The following AIF1 variants were observed in gnomAD, a reference collection of about 807,000 sequenced individuals.
AIF1 encodes allograft inflammatory factor 1.
Under a neutral mutation model 20.6 loss-of-function variants are expected in AIF1, and 21 were observed. The observed-to-expected ratio is 1.02, with a 90% CI of 0.72 to 1.47. AIF1 has a LOEUF of 1.47. AIF1 is among the 40% of genes most tolerant of loss of function. The pLI, the probability that AIF1 is intolerant of heterozygous loss-of-function variation, is 0.00. For synonymous variants in AIF1, 52 were observed against 65.8 expected (o/e 0.79, Z 1.01); for missense variants, 161 against 170.5 (o/e 0.94, Z 0.31).
Position 31,616,197 on chromosome 6 carries a change from CAG to C in AIF1, c.196+55_196+56del, listed in dbSNP as rs748321556. On this transcript the variant is annotated intron_variant, in intron 4 of 5. Transcript: ENST00000376059. This position sits in a 1 kb window ranked among gnomAD's most constrained non-coding sequence, Gnocchi z 4.0. ...AGGGTGGTGTGCAGGCCTAAGAAGA[CAG>C]AGGTCTCTCCTACATGCTCCATTCC... 8.7e-6 allele frequency: 14 copies of C among 1,613,216 alleles called. No homozygotes were observed. The highest frequency in any genetic ancestry group is 1.2e-5 in the Non-Finnish European group (14 of 1,179,920).
chr6:31,615,447 G>A (rs28732150), intron 1 of AIF1, 74 bp from the exon 2 acceptor site: 95,288 of 1,613,410 alleles, frequency 0.059, 3,678 homozygotes, highest in East Asian at 0.15. Flanking sequence ...GCTGGCCTAG[G>A]GTAGCCCGGG....
At position 31,616,447 on chromosome 6, in the gene AIF1, G is replaced by T; in HGVS notation, c.300G>T (p.Thr100=). The T allele has an allele frequency of 6.2e-7, 1 of 1,612,986 alleles. No individual in the cohort carries two copies. Among genetic ancestry groups the T allele is most frequent in the East Asian group, 2.2e-5 (1 of 44,888 alleles). ...AGGTGTCCAGTGGCTCCGGGGAGACGTTCAGCTACCCTGACTTTCTCAGGA... is the reference window on the plus strand; with the variant it reads ...AGGTGTCCAGTGGCTCCGGGGAGACTTTCAGCTACCCTGACTTTCTCAGGA... ...IGEVSSGSGE[T]FSYPDFLRMM... is the part of the protein sequence containing the mutation. The change falls in exon 5 of 6, where the codon ACG becomes ACT. Residue 100 remains threonine, a synonymous_variant. Coordinates refer to ENST00000376059, the MANE Select transcript of AIF1 (RefSeq NM_001623.5). The surrounding 1 kb of genome is among the most constrained non-coding windows in gnomAD (Gnocchi z 4.0).
Position 31,616,134 on chromosome 6 carries a change from A to G in AIF1, c.185A>G (p.Asn62Ser). 1 of 1,606,206 alleles carries G rather than the reference A, an allele frequency of 6.2e-7. No individual in the cohort carries two copies. Among genetic ancestry groups the G allele is most frequent in the Non-Finnish European group, 8.5e-7 (1 of 1,175,882 alleles). Residue 62 changes from asparagine to serine, a missense_variant, in exon 4 of 6, where the codon AAT (asparagine) becomes AGT (serine). By Grantham distance (46) the Asn-to-Ser change is conservative. Transcript: ENST00000376059. This position sits in a 1 kb window ranked among gnomAD's most constrained non-coding sequence, Gnocchi z 4.0. ...EKYMEFDLNG[N>S]GDIDIMSLKR... ...TACATGGAGTTTGACCTTAATGGAAATGGCGATATTGGTGAGAAACGGGTG... is the reference window on the plus strand; with the variant it reads ...TACATGGAGTTTGACCTTAATGGAAGTGGCGATATTGGTGAGAAACGGGTG...
Position 31,615,694 on chromosome 6 carries a change from A to G in AIF1, c.112A>G (p.Ser38Gly), listed in dbSNP as rs192487581. 2.5e-6 allele frequency: 4 copies of G among 1,612,692 alleles called. No homozygotes were observed. The highest frequency in any genetic ancestry group is 1.1e-5 in the South Asian group (1 of 90,914). ...GCAATTCCTAGACGATCCCAAATAT[A>G]GCAGTGATGAGGATCTGCCCTCCAA... ...NKQFLDDPKYSSDEDLPSKLE... is the reference protein window; with the variant it reads ...NKQFLDDPKYGSDEDLPSKLE... Residue 38 changes from serine (S) to glycine (G), a missense_variant, in exon 3 of 6, where the codon AGC (serine) becomes GGC (glycine). Transcript: ENST00000376059.
rs1336036235 is a variant in AIF1, at chr6:31,615,247, G to T, written c.-83G>T. 6 of 1,609,654 alleles carry T rather than the reference G, an allele frequency of 3.7e-6. No homozygotes were observed. The South Asian group carries it at 6.7e-5, about 18-fold the overall frequency. On this transcript the variant is annotated 5_prime_UTR_variant, in exon 1 of 6. Coordinates refer to ENST00000376059, the MANE Select transcript of AIF1 (RefSeq NM_001623.5). Reference sequence around the variant, plus strand: ...AGTTTGGGAGGAAGGCTTCTGAGAAGACTGGTGGGAGAGAAGGAGAGCCTG... The same window carrying T: ...AGTTTGGGAGGAAGGCTTCTGAGAATACTGGTGGGAGAGAAGGAGAGCCTG...
intron 3 of AIF1, 127 bp downstream of exon 3, chr6:31,615,863 T>C: frequency 6.6e-7 from 1 of 1,504,042 alleles, no homozygotes; most frequent in Non-Finnish European, 8.9e-7. Context: ...GGAACCTGCC[T>C]TTATTGCCCT....
Position 31,616,148 on chromosome 6 carries a change from G to A in AIF1, c.196+3G>A. On this transcript the variant is annotated splice_donor_region_variant and intron_variant, in intron 4 of 5. Coordinates refer to ENST00000376059, the MANE Select transcript of AIF1 (RefSeq NM_001623.5). This position sits in a 1 kb window ranked among gnomAD's most constrained non-coding sequence, Gnocchi z 4.0. ...CCTTAATGGAAATGGCGATATTGGT[G>A]AGAAACGGGTGATTTGCGGGGGCAG... The A allele has an allele frequency of 6.2e-7, 1 of 1,609,688 alleles. No individual in the cohort carries two copies. Among genetic ancestry groups the A allele is most frequent in the South Asian group, 1.1e-5 (1 of 90,556 alleles).
Position 31,616,228 on chromosome 6 carries a change from T to C in AIF1, c.196+83T>C. The C allele has an allele frequency of 6.2e-7, 1 of 1,613,112 alleles. No homozygotes were observed. Among genetic ancestry groups the C allele is most frequent in the African/African-American group, 1.3e-5 (1 of 75,002 alleles). ...TCTCTCCTACATGCTCCATTCCTCATGATTTGGGAGGGGGCCCACCTACCA... is the reference window on the plus strand; with the variant it reads ...TCTCTCCTACATGCTCCATTCCTCACGATTTGGGAGGGGGCCCACCTACCA... On this transcript the variant is annotated intron_variant, in intron 4 of 5. Coordinates refer to ENST00000376059, the MANE Select transcript of AIF1 (RefSeq NM_001623.5). The surrounding 1 kb of genome is among the most constrained non-coding windows in gnomAD (Gnocchi z 4.0).
At chr6:31,615,402 GGACA>G (rs1477156800) in intron 1 of AIF1, 48 bp downstream of exon 1, 1 of 1,613,342 alleles carries the variant, frequency 6.2e-7, no homozygotes, top group African/African-American at 1.3e-5. Flanking sequence ...GGAATGAGAT[GGACA>G]GACCTGGGCT....
Position 31,616,978 on chromosome 6 carries a change from C to A in AIF1, c.*78C>A, listed in dbSNP as rs1774440694. 3 of 1,572,866 alleles carry A rather than the reference C, an allele frequency of 1.9e-6. No homozygotes were observed. The highest frequency in any genetic ancestry group is 4.5e-5 in the East Asian group (2 of 44,420). On this transcript the variant is annotated 3_prime_UTR_variant, in exon 6 of 6. Transcript: ENST00000376059. The surrounding 1 kb of genome is among the most constrained non-coding windows in gnomAD (Gnocchi z 4.0). ...TGGAAACAGAAGACAAAATTGTAAG[C>A]CAGAGTCAACAAATTAAATAAATTA... is the stretch of plus-strand genomic sequence containing the variant.
rs1484697533 is a variant in AIF1 at position 31,615,614 on chromosome 6, G to A, written c.87+32G>A. ...GGAAGAACTAAGGGGGCAGAGCCAG[G>A]GGGATGGGGCGTGGATGGGGAGGGC... is the stretch of plus-strand genomic sequence containing the variant. On this transcript the variant is annotated intron_variant, in intron 2 of 5. Transcript: ENST00000376059. 5.6e-6 allele frequency: 9 copies of A among 1,613,584 alleles called. No homozygotes were observed. In the South Asian group the frequency reaches 8.8e-5, roughly 16 times the overall value.
chr6:31,615,412 G>A, intron 1 of AIF1, 58 bp downstream of exon 1: 1 of 1,613,476 alleles, frequency 6.2e-7, no homozygotes, highest in Non-Finnish European at 8.5e-7. Context: ...GGACAGACCT[G>A]GGCTGTGGGC....
chr6:31,615,294 G>A lies in AIF1; in HGVS notation c.-36G>A. On this transcript the variant is annotated 5_prime_UTR_variant, in exon 1 of 6. Coordinates refer to ENST00000376059, the MANE Select transcript of AIF1 (RefSeq NM_001623.5). Reference sequence around the variant, plus strand: ...CCTGCAGACAGAGGCCTCCAGCTTGGTCTGTCTCCCCACCTCTACCAGCAT... The same window carrying A: ...CCTGCAGACAGAGGCCTCCAGCTTGATCTGTCTCCCCACCTCTACCAGCAT... The A allele has an allele frequency of 6.2e-7, 1 of 1,604,264 alleles. No homozygotes were observed. Among genetic ancestry groups the A allele is most frequent in the Non-Finnish European group, 8.5e-7 (1 of 1,174,286 alleles).
rs1774426471 is a variant in AIF1 at position 31,616,860 on chromosome 6, C to T, written c.404C>T (p.Thr135Ile). Residue 135 changes from threonine to isoleucine, a missense_variant, in exon 6 of 6, where the codon ACA becomes ATA. Coordinates refer to ENST00000376059, the MANE Select transcript of AIF1 (RefSeq NM_001623.5). This position sits in a 1 kb window ranked among gnomAD's most constrained non-coding sequence, Gnocchi z 4.0. The part of the protein sequence containing the change: ...EEKAREKEKP[T>I]GPPAKKAISE... ...AAAGCGAGAGAAAAGGAAAAGCCAA[C>T]AGGCCCCCCAGCCAAGAAAGCTATC... 6.2e-7 allele frequency: 1 copy of T among 1,614,184 alleles called. No homozygotes were observed. Among genetic ancestry groups the T allele is most frequent in the Non-Finnish European group, 8.5e-7 (1 of 1,180,030 alleles).
In AIF1 at chr6:31,615,724, G is replaced by A. The variant is rs1375003643; in HGVS notation, c.142G>A (p.Glu48Lys). The A allele has an allele frequency of 6.2e-7, 1 of 1,609,756 alleles. No homozygotes were observed. ...SSDEDLPSKL[E>K]GFKEKYMEFD... ...TGATGAGGATCTGCCCTCCAAACTG[G>A]AAGGCTTCAAAGGTGAGGGGGAAAC... The change falls in exon 3 of 6, where the codon GAA becomes AAA. Residue 48 changes from glutamate (E) to lysine (K), a missense_variant. By Grantham distance (56) the Glu-to-Lys change is moderately conservative. Transcript: ENST00000376059.
rs1774403147 is a variant in AIF1, at chr6:31,616,649, C to T, written c.359+143C>T. ...GAGGGACCCTTCCAAGGTCCCGACCCCATCCCTATCCATAGTCCTGGTCCC... is the reference window on the plus strand; with the variant it reads ...GAGGGACCCTTCCAAGGTCCCGACCTCATCCCTATCCATAGTCCTGGTCCC... On this transcript the variant is annotated intron_variant, in intron 5 of 5. Transcript: ENST00000376059. The surrounding 1 kb of genome is among the most constrained non-coding windows in gnomAD (Gnocchi z 4.0). The T allele has an allele frequency of 1.3e-6, 2 of 1,486,786 alleles. No individual in the cohort carries two copies. Among genetic ancestry groups the T allele is most frequent in the Non-Finnish European group, 1.8e-6 (2 of 1,117,186 alleles). 92.1% of individuals were successfully genotyped at this position (1,486,786 alleles called of 1,614,324 possible). A position where few individuals can be genotyped will look rare whatever the true frequency, so the allele number is the denominator to read the frequency against.
Position 31,616,212 on chromosome 6 carries a change from C to T in AIF1, c.196+67C>T. The T allele has an allele frequency of 3.1e-6, 5 of 1,613,240 alleles. No homozygotes were observed. Among genetic ancestry groups the T allele is most frequent in the Non-Finnish European group, 4.2e-6 (5 of 1,179,988 alleles). On this transcript the variant is annotated intron_variant, in intron 4 of 5. Coordinates refer to ENST00000376059, the MANE Select transcript of AIF1 (RefSeq NM_001623.5). This position sits in a 1 kb window ranked among gnomAD's most constrained non-coding sequence, Gnocchi z 4.0. Reference sequence around the variant, plus strand: ...CCTAAGAAGACAGAGGTCTCTCCTACATGCTCCATTCCTCATGATTTGGGA... The same window carrying T: ...CCTAAGAAGACAGAGGTCTCTCCTATATGCTCCATTCCTCATGATTTGGGA...
rs776266089 is a variant in AIF1 at position 31,616,166 on chromosome 6, G to C, written c.196+21G>C. The C allele has an allele frequency of 9.9e-6, 16 of 1,610,988 alleles. No individual in the cohort carries two copies. The highest frequency in any genetic ancestry group is 3.4e-5 in the Admixed American group (2 of 59,642). ...TATTGGTGAGAAACGGGTGATTTGC[G>C]GGGGCAGGGTGGTGTGCAGGCCTAA... On this transcript the variant is annotated intron_variant, in intron 4 of 5. Transcript: ENST00000376059. The surrounding 1 kb of genome is among the most constrained non-coding windows in gnomAD (Gnocchi z 4.0).
intron 2 of AIF1, 41 bp from the exon 3 acceptor site, chr6:31,615,628 GA>G: frequency 6.2e-7 from 1 of 1,613,364 alleles, no homozygotes; most frequent in Non-Finnish European, 8.5e-7. Flanking sequence ...ATGGGGCGTG[GA>G]TGGGGAGGGC....
Sources: allele counts gnomAD v4.1 joint callset, GRCh38; gene constraint gnomAD v4.1.1; non-coding constraint Gnocchi (gnomAD v3.1); transcripts MANE v1.5; gene names NCBI Gene and HGNC (gene_info 2026-07-23, HGNC 2026-07-21).